PLEK: variants seen among roughly 807,000 people sequenced by gnomAD.
The protein encoded by PLEK is platelet 47 kDa protein.
A neutral mutation model predicts 43.9 loss-of-function variants in PLEK; 25 were observed. The ratio of observed to expected loss-of-function variants is 0.57; its 90% confidence interval spans 0.41 to 0.79. PLEK has a LOEUF of 0.79. Among genes scored for constraint, PLEK ranks in the 30% least tolerant of loss-of-function variants. The probability of loss-of-function intolerance (pLI) is 0.00; values close to 1 mark genes in which losing one functional copy is unlikely to be tolerated. For missense variants in PLEK, 396 were observed against 413.3 expected (o/e 0.96, Z 0.36); for synonymous variants, 152 against 144.4 (o/e 1.05, Z -0.38).
chr2:68,375,730 G>T (rs1411105250), intron 1 of PLEK, among the ~76,000 whole-genome samples: 1 of 152,172 alleles, frequency 6.6e-6, no homozygotes, highest in African/African-American at 2.4e-5. Context: ...AAGCAGCAGG[G>T]TCTCTTGGGA....
In PLEK at chr2:68,384,951, G is replaced by A. The variant is rs77960498; in HGVS notation, c.473-1551G>A. 8.0e-3 allele frequency among the ~76,000 whole-genome samples: 1,213 copies of A among 152,302 alleles called. 34 individuals are homozygous for A. The highest frequency in any genetic ancestry group is 0.073 in the East Asian group (380 of 5,182). On this transcript the variant is annotated intron_variant, in intron 4 of 8. Transcript: ENST00000234313. ...TTTATCTTTGTAGAGAAAGAAAAGT[G>A]AGCAAAAGCCTTTCATACATGAAAT...
At chr2:68,385,964 T>G (rs2103777759) in intron 4 of PLEK, among the ~76,000 whole-genome samples, 1 of 152,316 alleles carries the variant, frequency 6.6e-6, no homozygotes, top group Non-Finnish European at 1.5e-5. Context: ...AGGTGCTCAG[T>G]AAATGTTTGT....
chr2:68,395,549 T>C, intron 8 of PLEK, 131 bp from the exon 9 acceptor site: 2 of 883,712 alleles, frequency 2.3e-6, no homozygotes, highest in Non-Finnish European at 3.7e-6. Context: ...CTTGTTTGTA[T>C]GTTTGAAAGC....
At chr2:68,382,658 T>C in intron 4 of PLEK, 25 bp downstream of exon 4, 1 of 1,323,790 alleles carries the variant, frequency 7.6e-7, no homozygotes, top group South Asian at 1.2e-5. Flanking sequence ...AGGCCTGAAA[T>C]AGGGCGACTG....
At chr2:68,385,566 C>A (rs887927864) in intron 4 of PLEK, among the ~76,000 whole-genome samples, 6 of 152,150 alleles carry the variant, frequency 3.9e-5, no homozygotes, top group Admixed American at 6.5e-5. Context: ...CACCTCCCTC[C>A]TCCTCTTATT....
intron 1 of PLEK, 92 bp from the exon 2 acceptor site, chr2:68,380,236 A>G: frequency 9.4e-7 from 1 of 1,061,730 alleles, no homozygotes; most frequent in Non-Finnish European, 1.4e-6. Flanking sequence ...TTAAAAACCA[A>G]CTGTAAGTAA....
At chr2:68,374,781 G>C (rs1173273882) in intron 1 of PLEK, among the ~76,000 whole-genome samples, 1 of 152,118 alleles carries the variant, frequency 6.6e-6, no homozygotes, top group Non-Finnish European at 1.5e-5. Flanking sequence ...TTGCCTGTTT[G>C]CTTTTCACTC....
At chr2:68,388,622 T>C (rs887247689) in intron 6 of PLEK, 131 bp downstream of exon 6, 10 of 567,028 alleles carry the variant, frequency 1.8e-5, no homozygotes, top group South Asian at 7.0e-5. Flanking sequence ...AAGTGAAAGA[T>C]AGATGAGTAG....
intron 1 of PLEK, among the ~76,000 whole-genome samples, chr2:68,369,115 G>T (rs556373048): frequency 6.6e-6 from 1 of 152,186 alleles, no homozygotes; most frequent in African/African-American, 2.4e-5. Flanking sequence ...AACAGCTAAC[G>T]CATGTGGTGT....
At chr2:68,394,014 T>TA in intron 7 of PLEK, 93 bp from the exon 8 acceptor site, 1 of 827,970 alleles carries the variant, frequency 1.2e-6, no homozygotes, top group Non-Finnish European at 2.1e-6. Flanking sequence ...CCCTGATCTA[T>TA]ATTAGAGTGA....
rs764797868 is a variant in PLEK at position 68,380,869 on chromosome 2, G to A, written c.345G>A (p.Arg115=). The A allele has an allele frequency of 1.9e-6, 3 of 1,613,986 alleles. No homozygotes were observed. The South Asian group carries it at 3.3e-5, about 18-fold the overall frequency. ...AGAAATTTGCCAGGAAATCTACCAGGAGGTCCATTCGACTGCCAGAAACCA... is the reference window on the plus strand; with the variant it reads ...AGAAATTTGCCAGGAAATCTACCAGAAGGTCCATTCGACTGCCAGAAACCA... ...GGQKFARKST[R]RSIRLPETID... The change falls in exon 3 of 9, where the codon AGG becomes AGA. Residue 115 remains arginine, a synonymous_variant. Transcript: ENST00000234313.
intron 6 of PLEK, among the ~76,000 whole-genome samples, chr2:68,391,109 C>G (rs1673850908): frequency 6.6e-6 from 1 of 152,164 alleles, no homozygotes; most frequent in Non-Finnish European, 1.5e-5. Context: ...AGTTCAGTAA[C>G]AATTCTTGGA....
Position 68,388,397 on chromosome 2 carries a change from G to A in PLEK, c.668G>A (p.Gly223Glu). 1 of 1,603,156 alleles carries A rather than the reference G, an allele frequency of 6.2e-7. No individual in the cohort carries two copies. Among genetic ancestry groups the A allele is most frequent in the African/African-American group, 1.3e-5 (1 of 74,814 alleles). The change falls in exon 6 of 9, where the codon GGG becomes GAG. Residue 223 changes from glycine (G) to glutamate (E), a missense_variant. Coordinates refer to ENST00000234313, the MANE Select transcript of PLEK (RefSeq NM_002664.3). ...TTGATTTTCCAACAGCCAGACAGTGGGTTCTTCTGTGAAGAGAATTCCAGT... is the reference window on the plus strand; with the variant it reads ...TTGATTTTCCAACAGCCAGACAGTGAGTTCTTCTGTGAAGAGAATTCCAGT... ...PDAFYYFPDS[G>E]FFCEENSSDD...
chr2:68,377,131 T>C (rs1673521186), intron 1 of PLEK, among the ~76,000 whole-genome samples: 1 of 152,224 alleles, frequency 6.6e-6, no homozygotes, highest in Non-Finnish European at 1.5e-5. Context: ...TAGCCCTCCA[T>C]TGTGTATATG....
chr2:68,370,728 C>G (rs577164509), intron 1 of PLEK, among the ~76,000 whole-genome samples: 101 of 152,254 alleles, frequency 6.6e-4, no homozygotes, highest in African/African-American at 2.2e-3. Flanking sequence ...TCAAGTGATC[C>G]ACCCGCCTTG....
At chr2:68,376,342 C>G (rs2103765295) in intron 1 of PLEK, among the ~76,000 whole-genome samples, 1 of 152,236 alleles carries the variant, frequency 6.6e-6, no homozygotes, top group South Asian at 2.1e-4. Flanking sequence ...TTGACTGTCA[C>G]TGTATATACA....
At chr2:68,375,445 A>C (rs916584149) in intron 1 of PLEK, among the ~76,000 whole-genome samples, 1 of 152,228 alleles carries the variant, frequency 6.6e-6, no homozygotes, top group African/African-American at 2.4e-5. Context: ...TGTAAAACAG[A>C]AAGGCATTTT....
At chr2:68,374,952 G>T (rs1012498302) in intron 1 of PLEK, among the ~76,000 whole-genome samples, 1 of 152,072 alleles carries the variant, frequency 6.6e-6, no homozygotes, top group Non-Finnish European at 1.5e-5. Context: ...GGGCATTTGG[G>T]TTAGTCTTTG....
At chr2:68,394,975 A>G (rs376920683) in intron 8 of PLEK, among the ~76,000 whole-genome samples, 7 of 152,034 alleles carry the variant, frequency 4.6e-5, no homozygotes, top group Middle Eastern at 3.4e-3. Flanking sequence ...CTCCACTCCC[A>G]CCACCTAGAA....
Sources: gnomAD v4.1 joint callset for allele counts (sites outside exome capture counted in the v4.1 genomes callset) on GRCh38, gnomAD v4.1.1 for gene constraint, MANE v1.5 for transcripts, NCBI Gene and HGNC (gene_info 2026-07-23, HGNC 2026-07-21) for gene names.